The following SERTM1 variants were observed in gnomAD, a reference collection of about 807,000 sequenced individuals.
SERTM1 encodes serine-rich and transmembrane domain-containing protein 1.
A neutral mutation model predicts 5.5 loss-of-function variants in SERTM1; 1 was observed. The observed-to-expected ratio is 0.18, with a 90% CI of 0.06 to 0.86. The LOEUF (loss-of-function observed/expected upper bound fraction) is 0.86. Among genes scored for constraint, SERTM1 ranks in the 40% least tolerant of loss-of-function variants. The probability of loss-of-function intolerance (pLI) is 0.69; values close to 1 mark genes in which losing one functional copy is unlikely to be tolerated. For missense variants in SERTM1, 91 were observed against 122.4 expected, an observed-to-expected ratio of 0.74 and a Z score of 1.21; for synonymous variants, 52 against 55.1, an observed-to-expected ratio of 0.94 and a Z score of 0.25.
chr13:36,678,761 TTAAC>T (rs747694789), intron 1 of SERTM1, among the ~76,000 whole-genome samples: 1 of 150,674 alleles, frequency 6.6e-6, no homozygotes, highest in African/African-American at 2.4e-5. Context: ...TGTCATTTAT[TTAAC>T]TAATCTTTGA....
Position 36,697,430 on chromosome 13 carries a change from G to T in SERTM1, c.*2028G>T, listed in dbSNP as rs534726497. 6.1e-6 allele frequency: 1 copy of T among 164,660 alleles called. No individual in the cohort carries two copies. The highest frequency in any genetic ancestry group is 2.5e-5 in the African/African-American group (1 of 40,616). The allele number at this position is 164,660 out of a possible 1,614,324, so 10.2% of individuals were successfully genotyped here. The stretch of plus-strand genomic sequence containing the variant: ...ACTTTTGCTCTTTGACTAATCCTAT[G>T]CTGTTTTTGTTATAGAGAGAAACAA... On this transcript the variant is annotated 3_prime_UTR_variant, in exon 2 of 2. Transcript: ENST00000315190.
rs559753625 is a variant in SERTM1 at position 36,691,866 on chromosome 13, A to T, written c.-173-3040A>T. Among the ~76,000 whole-genome samples the T allele has an allele frequency of 2.6e-5, 4 of 152,288 alleles. No individual in the cohort carries two copies. The South Asian group carries it at 8.3e-4, about 32-fold the overall frequency. On this transcript the variant is annotated intron_variant, in intron 1 of 1. Coordinates refer to ENST00000315190, the MANE Select transcript of SERTM1 (RefSeq NM_203451.3). Reference sequence around the variant, plus strand: ...TGTTTCCACACTGTCACAATGCCTAAACACATACAGGCTGGGTCACCCTGA... The same window carrying T: ...TGTTTCCACACTGTCACAATGCCTATACACATACAGGCTGGGTCACCCTGA...
intron 1 of SERTM1, among the ~76,000 whole-genome samples, chr13:36,675,435 C>T (rs2056663788): frequency 6.6e-6 from 1 of 152,116 alleles, no homozygotes; most frequent in Admixed American, 6.6e-5. Context: ...AGCCTGTCAA[C>T]AGGAAAAGAG....
intron 1 of SERTM1, among the ~76,000 whole-genome samples, chr13:36,684,922 A>G (rs2138089835): frequency 6.6e-6 from 1 of 152,342 alleles, no homozygotes; most frequent in Admixed American, 6.5e-5. Flanking sequence ...TATCTTCTAT[A>G]GGTCACTACT....
At chr13:36,688,901 G>C (rs1438846681) in intron 1 of SERTM1, among the ~76,000 whole-genome samples, 1 of 152,056 alleles carries the variant, frequency 6.6e-6, no homozygotes, top group Non-Finnish European at 1.5e-5. Flanking sequence ...TAACCAGTTA[G>C]TGTTTTCTTC....
At chr13:36,677,247 A>G (rs1222085870) in intron 1 of SERTM1, among the ~76,000 whole-genome samples, 1 of 152,242 alleles carries the variant, frequency 6.6e-6, no homozygotes, top group Non-Finnish European at 1.5e-5. Flanking sequence ...AAGATAAAAG[A>G]TGTCTGAGCC....
intron 1 of SERTM1, among the ~76,000 whole-genome samples, chr13:36,688,379 A>C (rs984191125): frequency 2.9e-4 from 44 of 152,084 alleles, no homozygotes; most frequent in African/African-American, 9.4e-4. Flanking sequence ...TGCCTGCATA[A>C]TTTTTGTATT....
At chr13:36,687,474 G>C (rs1305072196) in intron 1 of SERTM1, among the ~76,000 whole-genome samples, 1 of 151,908 alleles carries the variant, frequency 6.6e-6, no homozygotes, top group African/African-American at 2.4e-5. Context: ...TACATTAAGG[G>C]GAAAAGTATC....
chr13:36,676,277 A>C (rs1160984698), intron 1 of SERTM1, among the ~76,000 whole-genome samples: 1 of 151,986 alleles, frequency 6.6e-6, no homozygotes, highest in Non-Finnish European at 1.5e-5. Context: ...TTCATTATAA[A>C]AAAGAAAGAC....
At chr13:36,688,575 A>T (rs904135294) in intron 1 of SERTM1, among the ~76,000 whole-genome samples, 1 of 152,142 alleles carries the variant, frequency 6.6e-6, no homozygotes, top group African/African-American at 2.4e-5. Flanking sequence ...TACTTTACTA[A>T]TGCCATGATT....
intron 1 of SERTM1, among the ~76,000 whole-genome samples, chr13:36,677,056 C>T (rs1296954883): frequency 6.6e-6 from 1 of 152,116 alleles, no homozygotes; most frequent in Admixed American, 6.5e-5. Context: ...TCTACTGGGC[C>T]AAATTCTGTG....
Position 36,695,128 on chromosome 13 carries a change from G to A in SERTM1, c.50G>A (p.Gly17Glu), listed in dbSNP as rs2056804616. ...SSGFSGSVENGTFLELFPTSL... is the reference protein window; with the variant it reads ...SSGFSGSVENETFLELFPTSL... ...GGATTTTCGGGAAGTGTGGAGAATGGAACTTTTCTTGAGCTGTTTCCCACA... is the reference window on the plus strand; with the variant it reads ...GGATTTTCGGGAAGTGTGGAGAATGAAACTTTTCTTGAGCTGTTTCCCACA... The change falls in exon 2 of 2, where the codon GGA (glycine) becomes GAA (glutamate). Residue 17 changes from glycine (G) to glutamate (E), a missense_variant. Physicochemically the swap from Gly to Glu is moderately conservative, Grantham distance 98 (BLOSUM62 -2). Transcript: ENST00000315190. 1 of 1,614,064 alleles carries A rather than the reference G, an allele frequency of 6.2e-7. No individual in the cohort carries two copies. The highest frequency in any genetic ancestry group is 1.7e-5 in the Admixed American group (1 of 59,990).
At chr13:36,686,704 A>G (rs1195905283) in intron 1 of SERTM1, among the ~76,000 whole-genome samples, 2 of 152,162 alleles carry the variant, frequency 1.3e-5, no homozygotes, top group Admixed American at 1.3e-4. Flanking sequence ...GAAATTTAAT[A>G]TTGGTATAAT....
At chr13:36,674,461 G>A (rs1250114067) in intron 1 of SERTM1, among the ~76,000 whole-genome samples, 1 of 152,140 alleles carries the variant, frequency 6.6e-6, no homozygotes, top group Non-Finnish European at 1.5e-5. Flanking sequence ...AGCCGCGAGG[G>A]GCCCTGAGTG....
chr13:36,694,956 G>A lies in SERTM1; in HGVS notation c.-123G>A. The stretch of plus-strand genomic sequence containing the variant: ...GCCTTTGAGAAACAAGTTTTGTTGT[G>A]CTGATTTAACAGCCTGTGAATTCTG... On this transcript the variant is annotated 5_prime_UTR_variant, in exon 2 of 2. Transcript: ENST00000315190. 1 of 693,504 alleles carries A rather than the reference G, an allele frequency of 1.4e-6. No homozygotes were observed. The highest frequency in any genetic ancestry group is 2.7e-5 in the Admixed American group (1 of 36,522). 43.0% of individuals were successfully genotyped at this position (693,504 alleles called of 1,614,324 possible).
chr13:36,693,065 C>T (rs1443527258), intron 1 of SERTM1, among the ~76,000 whole-genome samples: 1 of 152,198 alleles, frequency 6.6e-6, no homozygotes, highest in Admixed American at 6.5e-5. Context: ...GAAATTGAGA[C>T]CAGATGTTAT....
At chr13:36,678,369 G>C (rs1359973889) in intron 1 of SERTM1, among the ~76,000 whole-genome samples, 1 of 151,808 alleles carries the variant, frequency 6.6e-6, no homozygotes, top group East Asian at 1.9e-4. Flanking sequence ...AGTAGTTGTT[G>C]TTTTACAAAA....
At chr13:36,675,002 T>C (rs1420809628) in intron 1 of SERTM1, among the ~76,000 whole-genome samples, 1 of 152,162 alleles carries the variant, frequency 6.6e-6, no homozygotes, top group Non-Finnish European at 1.5e-5. Flanking sequence ...ATATGTAATG[T>C]GCCCTCCTCC....
At position 36,695,375 on chromosome 13, in the gene SERTM1, G is replaced by C; in HGVS notation, c.297G>C (p.Arg99Ser). Reference sequence around the variant, plus strand: ...AAGTCTGCAGCATTTCCTCTCAGAGGTCCACTTTTTCAAACCTTTCATCCT... The same window carrying C: ...AAGTCTGCAGCATTTCCTCTCAGAGCTCCACTTTTTCAAACCTTTCATCCT... ...NLEVCSISSQ[R>S]STFSNLSS The change falls in exon 2 of 2, where the codon AGG (arginine) becomes AGC (serine). Residue 99 changes from arginine to serine, a missense_variant. Arg to Ser is a moderately radical substitution (Grantham distance 110, BLOSUM62 -1). Coordinates refer to ENST00000315190, the MANE Select transcript of SERTM1 (RefSeq NM_203451.3). The C allele has an allele frequency of 6.2e-7, 1 of 1,613,796 alleles. No homozygotes were observed. The highest frequency in any genetic ancestry group is 8.5e-7 in the Non-Finnish European group (1 of 1,179,928).
Sources: allele counts gnomAD v4.1 joint callset (sites outside exome capture counted in the v4.1 genomes callset), GRCh38; gene constraint gnomAD v4.1.1; transcripts MANE v1.5; gene names NCBI Gene and HGNC (gene_info 2026-07-23, HGNC 2026-07-21).